The following CUL9 variants were observed in gnomAD, a reference collection of about 807,000 sequenced individuals.
CUL9 encodes the protein cullin 9.
A neutral mutation model predicts 272.6 loss-of-function variants in CUL9; 79 were observed. The observed-to-expected ratio is 0.29, with a 90% confidence interval of 0.24 to 0.35. CUL9 has a LOEUF of 0.35. Ranked by LOEUF, CUL9 falls within the 10% of genes least tolerant of loss-of-function variation. The pLI, the probability that CUL9 is intolerant of heterozygous loss-of-function variation, is 1.00. For synonymous variants in CUL9, 1,186 were observed against 1,286.5 expected, an observed-to-expected ratio of 0.92 and a Z score of 1.67; for missense variants, 2,532 against 3,255.6, an observed-to-expected ratio of 0.78 and a Z score of 5.41.
At chr6:43,205,146 A>G (rs769119323) in intron 23 of CUL9, 31 bp downstream of exon 23, 12 of 1,574,470 alleles carry the variant, frequency 7.6e-6, no homozygotes, top group South Asian at 3.5e-5. Context: ...ACAGGGCTAT[A>G]AGCTTGTGTT....
intron 7 of CUL9, 133 bp downstream of exon 7, chr6:43,188,251 C>T (rs1032119177): frequency 8.8e-6 from 9 of 1,024,224 alleles, no homozygotes; most frequent in East Asian, 2.6e-5. Context: ...TGGAACCATG[C>T]GTCCATCTTC....
In CUL9 at chr6:43,213,130, C is replaced by G. The variant is rs370744903; in HGVS notation, c.5213-19C>G. On this transcript the variant is annotated intron_variant, in intron 26 of 40. Transcript: ENST00000252050. The surrounding 1 kb of genome is among the most constrained non-coding windows in gnomAD (Gnocchi z 5.7). ...TCGCCCATTCTGTGTCTCCACCCTT[C>G]TCCTTGACACTTGCCTAGGTCAGAA... 1 of 1,612,156 alleles carries G rather than the reference C, an allele frequency of 6.2e-7. No individual in the cohort carries two copies. The highest frequency in any genetic ancestry group is 8.5e-7 in the Non-Finnish European group (1 of 1,178,752).
Position 43,216,444 on chromosome 6 carries a change from A to G in CUL9, c.6223A>G (p.Ser2075Gly), listed in dbSNP as rs1441563984. ...GCCTGACCACTGCCCCGTCTGTGTG[A>G]GCCCCCTGGGGTGTGACGACGACCT... ...VRPDHCPVCVSPLGCDDDLPS... is the reference protein window; with the variant it reads ...VRPDHCPVCVGPLGCDDDLPS... The change falls in exon 31 of 41, where the codon AGC (serine) becomes GGC (glycine). Residue 2075 changes from serine (S) to glycine (G), a missense_variant. Physicochemically the swap from Ser to Gly is moderately conservative, Grantham distance 56. Coordinates refer to ENST00000252050, the MANE Select transcript of CUL9 (RefSeq NM_015089.4). 2 of 1,610,948 alleles carry G rather than the reference A, an allele frequency of 1.2e-6. No homozygotes were observed. Among genetic ancestry groups the G allele is most frequent in the Non-Finnish European group, 1.7e-6 (2 of 1,177,592 alleles).
At position 43,186,061 on chromosome 6, in the gene CUL9, C is replaced by A; in HGVS notation, c.857C>A (p.Ser286Tyr). The change falls in exon 4 of 41, where the codon TCC (serine) becomes TAC (tyrosine). Residue 286 changes from serine to tyrosine, a missense_variant. Physicochemically the swap from Ser to Tyr is moderately radical, Grantham distance 144. Coordinates refer to ENST00000252050, the MANE Select transcript of CUL9 (RefSeq NM_015089.4). ...SPELGAGDQSSPCATREKSRG... is the reference protein window; with the variant it reads ...SPELGAGDQSYPCATREKSRG... Reference sequence around the variant, plus strand: ...GAGCTGGGAGCTGGAGACCAAAGCTCCCCATGTGCCACAAGAGAGAAAAGC... The same window carrying A: ...GAGCTGGGAGCTGGAGACCAAAGCTACCCATGTGCCACAAGAGAGAAAAGC... 6.2e-7 allele frequency: 1 copy of A among 1,614,238 alleles called. No homozygotes were observed. The highest frequency in any genetic ancestry group is 1.1e-5 in the South Asian group (1 of 91,088).
Position 43,187,329 on chromosome 6 carries a change from G to A in CUL9, c.1471G>A (p.Val491Met), listed in dbSNP as rs762923359. 1 of 1,614,126 alleles carries A rather than the reference G, an allele frequency of 6.2e-7. No homozygotes were observed. Among genetic ancestry groups the A allele is most frequent in the Non-Finnish European group, 8.5e-7 (1 of 1,180,006 alleles). The change falls in exon 6 of 41, where the codon GTG (valine) becomes ATG (methionine). Residue 491 changes from valine to methionine, a missense_variant. Coordinates refer to ENST00000252050, the MANE Select transcript of CUL9 (RefSeq NM_015089.4). The stretch of plus-strand genomic sequence containing the variant: ...GCCCGAACCTCAGAAGAATGAGAGA[G>A]TGGGATATCTGACCCAGGCTGAATG... ...LQPEPQKNER[V>M]GYLTQAEWWE...
Position 43,198,819 on chromosome 6 carries a change from C to T in CUL9, c.3014C>T (p.Pro1005Leu), listed in dbSNP as rs747345933. ...CTGTTGCTGCGGACTCTGGATGCTC[C>T]GGGGCCCAACAAGACTCTGCTGCTG... is the stretch of plus-strand genomic sequence containing the variant. ...FLLLLRTLDA[P>L]GPNKTLLLSV... Residue 1005 changes from proline (P) to leucine (L), a missense_variant, in exon 12 of 41, where the codon CCG becomes CTG. By Grantham distance (98) the Pro-to-Leu change is moderately conservative. Transcript: ENST00000252050. The T allele has an allele frequency of 8.1e-6, 13 of 1,613,596 alleles. No individual in the cohort carries two copies. The highest frequency in any genetic ancestry group is 1.6e-4 in the Middle Eastern group (1 of 6,064).
intron 37 of CUL9, 34 bp from the exon 38 acceptor site, chr6:43,222,745 G>A (rs1210710369): frequency 1.2e-6 from 2 of 1,608,876 alleles, no homozygotes; most frequent in South Asian, 2.2e-5. Context: ...AATGAGGAGA[G>A]GGCAGGCGGG....
At chr6:43,191,300 T>TGCG (rs1562020004) in intron 8 of CUL9, among the ~76,000 whole-genome samples, 3 of 123,010 alleles carry the variant, frequency 2.4e-5, no homozygotes, top group African/African-American at 1.2e-4. Context: ...GTGCGTGTTG[T>TGCG]TTTTTTTTTT....
At chr6:43,212,100 A>G (rs1036893708) in intron 26 of CUL9, among the ~76,000 whole-genome samples, 1 of 152,250 alleles carries the variant, frequency 6.6e-6, no homozygotes, top group Non-Finnish European at 1.5e-5. Context: ...GTCCTCAAGC[A>G]TAATTCCTCT....
chr6:43,220,782 C>G lies in CUL9; in HGVS notation c.6459C>G (p.Ser2153Arg). 6.2e-7 allele frequency: 1 copy of G among 1,613,258 alleles called. No homozygotes were observed. The highest frequency in any genetic ancestry group is 8.5e-7 in the Non-Finnish European group (1 of 1,179,990). ...EKALLRGYVE[S>R]CSNLTWCTNP... ...CGCTCCTGCGTGGCTATGTGGAGAG[C>G]TGCTCCAACCTGACCTGGTGCACCA... Residue 2153 changes from serine (S) to arginine (R), a missense_variant, in exon 33 of 41, where the codon AGC becomes AGG. Around this residue, in one of 3 missense-constraint regions of CUL9, gnomAD observed 2,218 missense variants for 2,788.6 expected, o/e 0.80. Coordinates refer to ENST00000252050, the MANE Select transcript of CUL9 (RefSeq NM_015089.4). The surrounding 1 kb of genome is among the most constrained non-coding windows in gnomAD (Gnocchi z 4.9).
rs1239544834 is a variant in CUL9 at position 43,200,783 on chromosome 6, G to A, written c.3596G>A (p.Ser1199Asn). ...AAGACCTACTGGGAGTCCAACGGCAGCACCGGCTCCCACTACATCACCCTG... is the reference window on the plus strand; with the variant it reads ...AAGACCTACTGGGAGTCCAACGGCAACACCGGCTCCCACTACATCACCCTG... Reference protein sequence around the residue: ...NPKTYWESNGSTGSHYITLHM... With the variant: ...NPKTYWESNGNTGSHYITLHM... The change falls in exon 16 of 41, where the codon AGC (serine) becomes AAC (asparagine). Residue 1199 changes from serine (S) to asparagine (N), a missense_variant. Ser to Asn is a conservative substitution (Grantham distance 46). This residue lies in a region of CUL9 where 2,218 missense variants were observed against 2,788.6 expected (regional missense o/e 0.80). Coordinates refer to ENST00000252050, the MANE Select transcript of CUL9 (RefSeq NM_015089.4). This position sits in a 1 kb window ranked among gnomAD's most constrained non-coding sequence, Gnocchi z 4.0. The A allele has an allele frequency of 2.5e-6, 4 of 1,614,202 alleles. No homozygotes were observed. The highest frequency in any genetic ancestry group is 1.7e-5 in the Admixed American group (1 of 60,028).
intron 1 of CUL9, among the ~76,000 whole-genome samples, chr6:43,183,900 G>A (rs1463032429): frequency 1.3e-5 from 2 of 152,044 alleles, no homozygotes; most frequent in Non-Finnish European, 2.9e-5. Flanking sequence ...CTACGGGCAT[G>A]TGCCACCACA....
Position 43,196,195 on chromosome 6 carries a change from A to T in CUL9, c.2515A>T (p.Thr839Ser), listed in dbSNP as rs200394370. 1.5e-4 allele frequency: 238 copies of T among 1,614,052 alleles called. No homozygotes were observed. Among genetic ancestry groups the T allele is most frequent in the Non-Finnish European group, 1.6e-4 (184 of 1,180,052 alleles). The change falls in exon 10 of 41, where the codon ACA becomes TCA. Residue 839 changes from threonine (T) to serine (S), a missense_variant. Thr to Ser is a moderately conservative substitution (Grantham distance 58). Around this residue, in one of 3 missense-constraint regions of CUL9, gnomAD observed 2,218 missense variants for 2,788.6 expected, o/e 0.80. Coordinates refer to ENST00000252050, the MANE Select transcript of CUL9 (RefSeq NM_015089.4). ...REIFASIDSA[T>S]RPGSESLLLT... Reference sequence around the variant, plus strand: ...GATCTTCGCCAGCATCGACTCAGCCACACGCCCGGGCTCTGAGAGCCTGCT... The same window carrying T: ...GATCTTCGCCAGCATCGACTCAGCCTCACGCCCGGGCTCTGAGAGCCTGCT...
chr6:43,207,117 A>G (rs1775108868), intron 26 of CUL9, among the ~76,000 whole-genome samples: 1 of 152,200 alleles, frequency 6.6e-6, no homozygotes. Flanking sequence ...GTGCCCGGCC[A>G]AAAAGATTTT....
chr6:43,187,354 G>A lies in CUL9; in HGVS notation c.1496G>A (p.Trp499Ter). ...GTGGGATATCTGACCCAGGCTGAATGGTGGGAGCTGCTTTTCTTTATCAAA... is the reference window on the plus strand; with the variant it reads ...GTGGGATATCTGACCCAGGCTGAATAGTGGGAGCTGCTTTTCTTTATCAAA... Reference protein sequence around the residue: ...ERVGYLTQAEWWELLFFIKKL... With the variant: ...ERVGYLTQAE Residue 499 changes from tryptophan to a stop codon, truncating the protein, a stop_gained, in exon 6 of 41, where the codon TGG becomes TAG. Coordinates refer to ENST00000252050, the MANE Select transcript of CUL9 (RefSeq NM_015089.4). LOFTEE classifies it high-confidence loss of function. The A allele has an allele frequency of 6.2e-7, 1 of 1,614,124 alleles. No homozygotes were observed. The highest frequency in any genetic ancestry group is 8.5e-7 in the Non-Finnish European group (1 of 1,179,996).
chr6:43,188,798 C>A lies in CUL9; in HGVS notation c.2180+83C>A. 4.9e-6 allele frequency: 6 copies of A among 1,214,164 alleles called. No homozygotes were observed. In the South Asian group the frequency reaches 7.5e-5, roughly 15 times the overall value. 75.2% of individuals were successfully genotyped at this position (1,214,164 alleles called of 1,614,324 possible). On this transcript the variant is annotated intron_variant, in intron 8 of 40. Coordinates refer to ENST00000252050, the MANE Select transcript of CUL9 (RefSeq NM_015089.4). Reference sequence around the variant, plus strand: ...TAGCGGGGAAGGAGCTTTGAGATCACGAATTAGAAAAGCTTGGGGTGAGGG... The same window carrying A: ...TAGCGGGGAAGGAGCTTTGAGATCAAGAATTAGAAAAGCTTGGGGTGAGGG...
In CUL9 at chr6:43,186,228, A is replaced by C; in HGVS notation, c.1024A>C (p.Ile342Leu). 6.2e-7 allele frequency: 1 copy of C among 1,614,142 alleles called. No homozygotes were observed. The highest frequency in any genetic ancestry group is 8.5e-7 in the Non-Finnish European group (1 of 1,180,026). The change falls in exon 4 of 41, where the codon ATT becomes CTT. Residue 342 changes from isoleucine to leucine, a missense_variant. By Grantham distance (5) the Ile-to-Leu change is conservative. This residue lies in a region of CUL9 where 2,218 missense variants were observed against 2,788.6 expected (regional missense o/e 0.80). Coordinates refer to ENST00000252050, the MANE Select transcript of CUL9 (RefSeq NM_015089.4). The stretch of plus-strand genomic sequence containing the variant: ...AACCCGGTCCATCTTTCAGCCCTAC[A>C]TTTCAGGCCCCAGCCTTTTACTCCC... ...RPTRSIFQPY[I>L]SGPSLLLPTI... is the part of the protein sequence containing the mutation.
intron 31 of CUL9, 110 bp downstream of exon 31, chr6:43,216,613 C>T: frequency 9.9e-7 from 1 of 1,008,016 alleles, no homozygotes; most frequent in Non-Finnish European, 1.5e-6. Flanking sequence ...ATCACCTGGG[C>T]AATAGTGGAT....
At chr6:43,222,956 G>A (rs557302480) in intron 38 of CUL9, 60 bp downstream of exon 38, 62 of 1,436,864 alleles carry the variant, frequency 4.3e-5, no homozygotes, top group Admixed American at 8.5e-5. Context: ...TGCACAGCCC[G>A]GCCCCTCCCA....
Sources: allele counts gnomAD v4.1 joint callset (sites outside exome capture counted in the v4.1 genomes callset), GRCh38; gene constraint gnomAD v4.1.1; regional missense constraint gnomAD v4.1.1; non-coding constraint Gnocchi (gnomAD v3.1); transcripts MANE v1.5; gene names NCBI Gene and HGNC (gene_info 2026-07-23, HGNC 2026-07-21).